The following BAZ2B variants were observed in gnomAD, a reference collection of about 807,000 sequenced individuals.
BAZ2B encodes bromodomain adjacent to zinc finger domain protein 2B.
Under a neutral mutation model 246.0 loss-of-function variants are expected in BAZ2B, and 91 were observed. The ratio of observed to expected loss-of-function variants is 0.37; its 90% CI spans 0.31 to 0.44. The LOEUF (loss-of-function observed/expected upper bound fraction) is 0.44. Among genes scored for constraint, BAZ2B ranks in the 20% least tolerant of loss-of-function variants. The probability of loss-of-function intolerance (pLI) is 1.00; values close to 1 mark genes in which losing one functional copy is unlikely to be tolerated. For synonymous variants in BAZ2B, 855 were observed against 860.0 expected, an observed-to-expected ratio of 0.99 and a Z score of 0.10; for missense variants, 2,332 against 2,533.7, an observed-to-expected ratio of 0.92 and a Z score of 1.71.
intron 3 of BAZ2B, among the ~76,000 whole-genome samples, chr2:159,465,254 T>C (rs888688732): frequency 6.6e-6 from 1 of 152,220 alleles, no homozygotes; most frequent in African/African-American, 2.4e-5. Flanking sequence ...TCTCTGTGTC[T>C]ACATTTCTCC....
chr2:159,404,147 C>T (rs1219507653), intron 16 of BAZ2B, among the ~76,000 whole-genome samples: 1 of 152,040 alleles, frequency 6.6e-6, no homozygotes, highest in African/African-American at 2.4e-5. Flanking sequence ...GTACTTTCTC[C>T]CCATTTCCTT....
chr2:159,446,327 A>G (rs1054779563), intron 6 of BAZ2B, among the ~76,000 whole-genome samples: 2 of 152,206 alleles, frequency 1.3e-5, no homozygotes, highest in Non-Finnish European at 2.9e-5. Flanking sequence ...CAACTGTTGA[A>G]GCTGAATAAT....
At chr2:159,523,803 C>G (rs945811196) in intron 2 of BAZ2B, among the ~76,000 whole-genome samples, 4 of 152,148 alleles carry the variant, frequency 2.6e-5, no homozygotes, top group Non-Finnish European at 4.4e-5. Context: ...TAGTACCTAA[C>G]AATTTATACA....
intron 22 of BAZ2B, among the ~76,000 whole-genome samples, chr2:159,385,752 T>C (rs765089424): frequency 4.6e-5 from 7 of 152,126 alleles, no homozygotes; most frequent in Non-Finnish European, 8.8e-5. Context: ...TATTGTTTTC[T>C]ACCCTTAAAG....
intron 27 of BAZ2B, among the ~76,000 whole-genome samples, chr2:159,352,796 T>A (rs995946985): frequency 1.8e-4 from 27 of 152,186 alleles, no homozygotes; most frequent in African/African-American, 5.8e-4. Context: ...AATGTCTGTA[T>A]CTTGCTATTA....
intron 1 of BAZ2B, among the ~76,000 whole-genome samples, chr2:159,574,248 T>C (rs1684746746): frequency 6.6e-6 from 1 of 150,994 alleles, no homozygotes; most frequent in Non-Finnish European, 1.5e-5. Context: ...CCAATAAGCA[T>C]AAGAAAAGAT....
At chr2:159,682,404 C>T in the BAZ2B span, among the ~76,000 whole-genome samples, 1 of 152,008 alleles carries the variant, frequency 6.6e-6, no homozygotes, top group Admixed American at 6.6e-5. Context: ...GTCTTGAACT[C>T]CCAGGCTCAA....
chr2:159,659,844 T>C, the BAZ2B span, among the ~76,000 whole-genome samples: 1 of 152,232 alleles, frequency 6.6e-6, no homozygotes, highest in Non-Finnish European at 1.5e-5. Context: ...ACTTTTATAC[T>C]TATTTTTTTG....
At chr2:159,428,067 C>T in intron 12 of BAZ2B, 25 bp from the exon 13 acceptor site, 1 of 1,598,224 alleles carries the variant, frequency 6.3e-7, no homozygotes, top group Non-Finnish European at 8.6e-7. Flanking sequence ...TATTTTTCCA[C>T]TTCAGGTTTT....
chr2:159,482,293 A>G (rs1269749767), intron 2 of BAZ2B, among the ~76,000 whole-genome samples: 4 of 152,176 alleles, frequency 2.6e-5, no homozygotes, highest in African/African-American at 9.6e-5. Context: ...TCTGGGTTCA[A>G]ACACTGTGCC....
Position 159,428,357 on chromosome 2 carries a change from T to A in BAZ2B, c.2318A>T (p.Tyr773Phe). ...CCTAAGTTTCTTTCCACATGGAGCA[T>A]AATATGCTACTTCTCCTTGAAGGCG... ...GGRLQGEVAY[Y>F]APCGKKLRQY... The change falls in exon 12 of 37, where the codon TAT (tyrosine) becomes TTT (phenylalanine). Residue 773 changes from tyrosine to phenylalanine, a missense_variant. Tyr to Phe is a conservative substitution (Grantham distance 22). Transcript: ENST00000392783. The A allele has an allele frequency of 1.2e-6, 2 of 1,613,436 alleles. No individual in the cohort carries two copies. The highest frequency in any genetic ancestry group is 1.7e-6 in the Non-Finnish European group (2 of 1,179,644).
At chr2:159,477,339 G>A (rs1253821846) in intron 3 of BAZ2B, among the ~76,000 whole-genome samples, 1 of 151,432 alleles carries the variant, frequency 6.6e-6, no homozygotes, top group African/African-American at 2.4e-5. Context: ...ATATATATAT[G>A]TGTATATATA....
chr2:159,490,698 T>TA (rs1033468464), intron 2 of BAZ2B, among the ~76,000 whole-genome samples: 1 of 151,976 alleles, frequency 6.6e-6, no homozygotes, highest in Non-Finnish European at 1.5e-5. Context: ...ATTTTTTTTT[T>TA]ATTTTTATTT....
At chr2:159,656,751 C>T in the BAZ2B span, among the ~76,000 whole-genome samples, 32 of 152,210 alleles carry the variant, frequency 2.1e-4, no homozygotes, top group African/African-American at 7.2e-4. Flanking sequence ...TAATGGCATA[C>T]GATGCTGAGC....
chr2:159,329,998 T>C (rs556825227), intron 34 of BAZ2B, among the ~76,000 whole-genome samples: 7 of 152,364 alleles, frequency 4.6e-5, no homozygotes, highest in East Asian at 1.9e-4. Context: ...AGTTATAAGA[T>C]AATTTTATGT....
intron 2 of BAZ2B, among the ~76,000 whole-genome samples, chr2:159,519,210 CTTTTTTTTTTTTTTTTTTT>C (rs564614568): frequency 3.5e-5 from 2 of 57,778 alleles, no homozygotes; most frequent in East Asian, 5.4e-4. Flanking sequence ...ATTCTATTTT[CTTTTTTTTTTTTTTTTTTT>C]TTTTTTTTTT....
intron 27 of BAZ2B, among the ~76,000 whole-genome samples, chr2:159,358,424 A>T (rs1268013838): frequency 6.6e-6 from 1 of 152,226 alleles, no homozygotes; most frequent in East Asian, 1.9e-4. Context: ...TATCCTAAAT[A>T]TGTATGCACC....
At chr2:159,633,152 CTTTT>C in the BAZ2B span, among the ~76,000 whole-genome samples, 2 of 144,882 alleles carry the variant, frequency 1.4e-5, no homozygotes, top group Admixed American at 6.9e-5. Flanking sequence ...CCCAGAAAGT[CTTTT>C]TTTTTTTTTT....
chr2:159,459,860 T>C (rs534632263), intron 3 of BAZ2B: 43 of 152,282 alleles, frequency 2.8e-4, no homozygotes, highest in African/African-American at 9.9e-4. Context: ...CCTGTCTTGA[T>C]GAAAACTTTT....
Sources: gnomAD v4.1 joint callset for allele counts (sites outside exome capture counted in the v4.1 genomes callset) on GRCh38, gnomAD v4.1.1 for gene constraint, MANE v1.5 for transcripts, NCBI Gene and HGNC (gene_info 2026-07-23, HGNC 2026-07-21) for gene names.